SLC35E2B: variants seen among roughly 807,000 people sequenced by gnomAD.
SLC35E2B encodes the protein solute carrier family 35 member E2B.
Under a neutral mutation model 32.4 loss-of-function variants are expected in SLC35E2B, and 18 were observed. That is an observed-to-expected ratio of 0.56 (90% CI 0.38 to 0.82). The LOEUF (loss-of-function observed/expected upper bound fraction) is 0.82. SLC35E2B is among the 40% of genes least tolerant of loss of function. The pLI, the probability that SLC35E2B is intolerant of heterozygous loss-of-function variation, is 0.00. For missense variants in SLC35E2B, 263 were observed against 469.5 expected (o/e 0.56, Z 4.06); for synonymous variants, 132 against 209.1 (o/e 0.63, Z 3.18).
intron 9 of SLC35E2B, among the ~76,000 whole-genome samples, chr1:1,667,844 A>G (rs921059459): frequency 2.7e-5 from 4 of 150,020 alleles, no homozygotes; most frequent in Admixed American, 1.3e-4. Flanking sequence ...ACAGTTTCTC[A>G]TTTGTTTTTC....
intron 2 of SLC35E2B, among the ~76,000 whole-genome samples, chr1:1,679,134 A>G (rs1214229001): frequency 6.6e-6 from 1 of 152,188 alleles, no homozygotes; most frequent in Non-Finnish European, 1.5e-5. Flanking sequence ...ACCACCAGCG[A>G]GTTTCTAAAA....
At position 1,663,933 on chromosome 1, in the gene SLC35E2B, A is replaced by G; in HGVS notation, c.*1849T>C. 1.7e-6 allele frequency: 1 copy of G among 595,952 alleles called. No individual in the cohort carries two copies. Among genetic ancestry groups the G allele is most frequent in the Non-Finnish European group, 2.1e-6 (1 of 470,354 alleles). The allele number at this position is 595,952 out of a possible 1,614,324, so 36.9% of individuals were successfully genotyped here. A position where few individuals can be genotyped will look rare whatever the true frequency, so the allele number is the denominator to read the frequency against. ...GAAGCAGGTGTAGTAGCCCACGCCT[A>G]TATTCTCGACACTACAGGAGGCTGA... On this transcript the variant is annotated 3_prime_UTR_variant, in exon 10 of 10. Coordinates refer to ENST00000617444, the MANE Select transcript of SLC35E2B (RefSeq NM_001290264.2).
chr1:1,684,808 A>T, intron 2 of SLC35E2B, among the ~76,000 whole-genome samples: 1 of 146,070 alleles, frequency 6.8e-6, no homozygotes. Context: ...AAAAAAAAAA[A>T]AAAAAACAGG....
rs1643526760 is a variant in SLC35E2B, at chr1:1,665,812, C to A, written c.1188G>T (p.Leu396=). ...GATGCTGCCTGGGGTCCTGTGGAAGCAGCGGCTCCACTGTGTCGTCTGGGG... is the reference window on the plus strand; with the variant it reads ...GATGCTGCCTGGGGTCCTGTGGAAGAAGCGGCTCCACTGTGTCGTCTGGGG... ...GRAPDDTVEP[L]LPQDPRQHP is the part of the protein sequence containing the mutation. The change falls in exon 10 of 10, where the codon CTG becomes CTT. Residue 396 remains leucine (L), a synonymous_variant. Transcript: ENST00000617444. The A allele has an allele frequency of 1.3e-6, 2 of 1,550,858 alleles. No homozygotes were observed. The highest frequency in any genetic ancestry group is 4.9e-5 in the East Asian group (2 of 40,924).
Position 1,690,303 on chromosome 1 carries a change from A to C in SLC35E2B, c.-148+673T>G, listed in dbSNP as rs899062699. Among the ~76,000 whole-genome samples, 77 of 98,534 alleles carry C rather than the reference A, an allele frequency of 7.8e-4. 3 individuals are homozygous for C. In the South Asian group the frequency reaches 9.6e-3, roughly 12 times the overall value. 64.6% of individuals were successfully genotyped at this position (98,534 alleles called of 152,430 possible). Reference sequence around the variant, plus strand: ...CTCAAAAAAAAAAAAAAGAAACAAAAAAAAATATATATATATATATACATA... The same window carrying C: ...CTCAAAAAAAAAAAAAAGAAACAAACAAAAATATATATATATATATACATA... On this transcript the variant is annotated intron_variant, in intron 2 of 9. Coordinates refer to ENST00000617444, the MANE Select transcript of SLC35E2B (RefSeq NM_001290264.2).
intron 2 of SLC35E2B, among the ~76,000 whole-genome samples, chr1:1,678,822 CTGG>C (rs1427306191): frequency 1.3e-5 from 2 of 152,192 alleles, no homozygotes; most frequent in Non-Finnish European, 2.9e-5. Flanking sequence ...CTAGGACTGG[CTGG>C]GCCCTGAGCC....
At chr1:1,666,562 C>A (rs1643550355) in intron 9 of SLC35E2B, among the ~76,000 whole-genome samples, 1 of 152,190 alleles carries the variant, frequency 6.6e-6, no homozygotes, top group African/African-American at 2.4e-5. Context: ...ATCATGACAT[C>A]TCACCCCTGA....
At position 1,665,584 on chromosome 1, in the gene SLC35E2B, T is replaced by C. The variant is rs140118478; in HGVS notation, c.*198A>G. The stretch of plus-strand genomic sequence containing the variant: ...CACAGTCAGCTACTGGTCTGGTCTC[T>C]ACTCCAGGAAGCTGATACCTGGAAT... On this transcript the variant is annotated 3_prime_UTR_variant, in exon 10 of 10. Transcript: ENST00000617444. 111 of 805,452 alleles carry C rather than the reference T, an allele frequency of 1.4e-4. 1 individual carries two copies. The highest frequency in any genetic ancestry group is 1.3e-3 in the African/African-American group (75 of 57,788). The allele number at this position is 805,452 out of a possible 1,614,324, so 49.9% of individuals were successfully genotyped here.
intron 2 of SLC35E2B, among the ~76,000 whole-genome samples, chr1:1,686,194 G>A (rs1643947734): frequency 6.6e-6 from 1 of 151,962 alleles, no homozygotes. Context: ...AGTAGAGACG[G>A]GTTTTCACCA....
At chr1:1,684,626 C>A (rs1643929279) in intron 2 of SLC35E2B, among the ~76,000 whole-genome samples, 1 of 151,980 alleles carries the variant, frequency 6.6e-6, no homozygotes, top group East Asian at 1.9e-4. Flanking sequence ...CCCGTCTCCA[C>A]TAAAAATACA....
intron 5 of SLC35E2B, chr1:1,674,514 G>A (rs1643789282): frequency 6.6e-6 from 1 of 151,828 alleles, no homozygotes; most frequent in Non-Finnish European, 1.5e-5. Context: ...CTACCCAACA[G>A]GCTGAGGTGG....
At chr1:1,683,469 G>GCAGAGAC (rs1643917321) in intron 2 of SLC35E2B, among the ~76,000 whole-genome samples, 2 of 152,210 alleles carry the variant, frequency 1.3e-5, no homozygotes, top group African/African-American at 4.8e-5. Context: ...GCAGCCGGCC[G>GCAGAGAC]CAGAGACGCG....
chr1:1,680,366 G>GC (rs1553170725), intron 2 of SLC35E2B, among the ~76,000 whole-genome samples: 1 of 152,114 alleles, frequency 6.6e-6, no homozygotes, highest in Non-Finnish European at 1.5e-5. Context: ...GCAAACAAAG[G>GC]CCTCTCCATG....
chr1:1,673,669 C>CA (rs1409954552), intron 5 of SLC35E2B, among the ~76,000 whole-genome samples: 47 of 134,704 alleles, frequency 3.5e-4, no homozygotes, highest in Admixed American at 2.9e-3. Flanking sequence ...GACTCCATCT[C>CA]AAAAAAAAGA....
intron 2 of SLC35E2B, among the ~76,000 whole-genome samples, chr1:1,686,852 C>T (rs778696380): frequency 4.2e-4 from 64 of 152,030 alleles, no homozygotes; most frequent in Admixed American, 2.4e-3. Flanking sequence ...GTCAGGAGAT[C>T]GAGATCATCC....
rs1643465663 is a variant in SLC35E2B at position 1,663,678 on chromosome 1, C to T, written c.*2104G>A. 3.8e-6 allele frequency: 1 copy of T among 265,672 alleles called. No individual in the cohort carries two copies. Among genetic ancestry groups the T allele is most frequent in the Non-Finnish European group, 5.8e-6 (1 of 172,304 alleles). 16.5% of individuals were successfully genotyped at this position (265,672 alleles called of 1,614,324 possible). On this transcript the variant is annotated 3_prime_UTR_variant, in exon 10 of 10. Coordinates refer to ENST00000617444, the MANE Select transcript of SLC35E2B (RefSeq NM_001290264.2). ...TAGAGACAGGGTTTCATCATGTTGGCCAGGCTGGTCTCGAACTCCTGGCCT... is the reference window on the plus strand; with the variant it reads ...TAGAGACAGGGTTTCATCATGTTGGTCAGGCTGGTCTCGAACTCCTGGCCT...
intron 7 of SLC35E2B, 117 bp downstream of exon 7, chr1:1,669,981 G>A (rs1442271966): frequency 2.9e-6 from 3 of 1,030,102 alleles, no homozygotes; most frequent in Non-Finnish European, 4.4e-6. Context: ...TACTTGTAAA[G>A]GCCACCCAAG....
intron 8 of SLC35E2B, 104 bp from the exon 9 acceptor site, chr1:1,668,576 T>C: frequency 6.2e-7 from 1 of 1,603,392 alleles, no homozygotes; most frequent in Non-Finnish European, 8.5e-7. Context: ...TGGGTAAAGC[T>C]GCTGCCACTG....
chr1:1,665,826 T>C lies in SLC35E2B; in HGVS notation c.1174A>G (p.Thr392Ala). The change falls in exon 10 of 10, where the codon ACA (threonine) becomes GCA (alanine). Residue 392 changes from threonine (T) to alanine (A), a missense_variant. Physicochemically the swap from Thr to Ala is moderately conservative, Grantham distance 58 (BLOSUM62 0). Around this residue, in one of 7 missense-constraint regions of SLC35E2B, gnomAD observed 78 missense variants for 71.1 expected, o/e 1.10. Coordinates refer to ENST00000617444, the MANE Select transcript of SLC35E2B (RefSeq NM_001290264.2). ...AAATGRAPDD[T>A]VEPLLPQDPR... ...TCCTGTGGAAGCAGCGGCTCCACTGTGTCGTCTGGGGCCCGGCCAGTGGCT... is the reference window on the plus strand; with the variant it reads ...TCCTGTGGAAGCAGCGGCTCCACTGCGTCGTCTGGGGCCCGGCCAGTGGCT... The C allele has an allele frequency of 6.4e-7, 1 of 1,550,930 alleles. No homozygotes were observed. Among genetic ancestry groups the C allele is most frequent in the East Asian group, 2.4e-5 (1 of 40,924 alleles).
Sources: gnomAD v4.1 joint callset for allele counts (sites outside exome capture counted in the v4.1 genomes callset) on GRCh38, gnomAD v4.1.1 for gene constraint, gnomAD v4.1.1 regional missense constraint, MANE v1.5 for transcripts, NCBI Gene and HGNC (gene_info 2026-07-23, HGNC 2026-07-21) for gene names.